Variants in NKAIN3 observed in about 807,000 individuals in gnomAD.
NKAIN3 encodes sodium/potassium transporting ATPase interacting 3, also known as sodium/potassium-transporting ATPase subunit beta-1-interacting protein 3.
In NKAIN3, 25 loss-of-function variants were observed where a neutral mutation model predicts 30.2. That is an observed-to-expected ratio of 0.83 (90% confidence interval 0.60 to 1.16). NKAIN3 has a LOEUF of 1.16. Among genes scored for constraint, NKAIN3 ranks in the 50% most tolerant of loss-of-function variants. The pLI, the probability that NKAIN3 is intolerant of heterozygous loss-of-function variation, is 0.00. For missense variants in NKAIN3, 225 were observed against 254.1 expected (o/e 0.89, Z 0.78); for synonymous variants, 91 against 89.6 (o/e 1.02, Z -0.09).
chr8:62,959,391 T>G (rs1268042220), intron 6 of NKAIN3, among the ~76,000 whole-genome samples: 1 of 151,458 alleles, frequency 6.6e-6, no homozygotes, highest in Non-Finnish European at 1.5e-5. Context: ...CATTTTGCAT[T>G]TATAGCATCA....
chr8:62,534,860 G>GTTTTTTTTTTTTTTTTTTTTTTT lies in NKAIN3; in HGVS notation c.55-44679_55-44678insTTTTTTTTTTTTTTTTTTTTTTT, dbSNP rs145601852. On this transcript the variant is annotated intron_variant, in intron 1 of 6. Coordinates refer to ENST00000623646, the MANE Select transcript of NKAIN3 (RefSeq NM_001304533.3). ...AAAATGTAAAAACATTGCATTTATT[G>GTTTTTTTTTTTTTTTTTTTTTTT]GTTTTTTTTTTTTTCGTATAGTTTC... Among the ~76,000 whole-genome samples the GTTTTTTTTTTTTTTTTTTTTTTT allele has an allele frequency of 1.4e-5, 2 of 145,620 alleles. 1 individual carries two copies. The highest frequency in any genetic ancestry group is 3.0e-5 in the Non-Finnish European group (2 of 66,506).
intron 3 of NKAIN3, among the ~76,000 whole-genome samples, chr8:62,612,376 G>T (rs1811322601): frequency 6.6e-6 from 1 of 151,698 alleles, no homozygotes; most frequent in South Asian, 2.1e-4. Context: ...TACCCTCTTT[G>T]TCACTCCCTA....
chr8:62,840,225 A>G (rs925401251), intron 4 of NKAIN3, among the ~76,000 whole-genome samples: 1 of 152,038 alleles, frequency 6.6e-6, no homozygotes, highest in Non-Finnish European at 1.5e-5. Flanking sequence ...CACATGAAAA[A>G]TAGACATCTC....
At chr8:62,438,660 C>G (rs1270738611) in intron 1 of NKAIN3, among the ~76,000 whole-genome samples, 1 of 152,132 alleles carries the variant, frequency 6.6e-6, no homozygotes, top group Non-Finnish European at 1.5e-5. Context: ...CTCTTGGGTT[C>G]AAGAGATTCT....
At chr8:62,354,912 A>G (rs1019709808) in intron 1 of NKAIN3, among the ~76,000 whole-genome samples, 5 of 152,144 alleles carry the variant, frequency 3.3e-5, no homozygotes, top group African/African-American at 9.7e-5. Flanking sequence ...ACCTTTTCCA[A>G]TGGGTAGAAG....
At chr8:62,665,766 C>T (rs547909592) in intron 3 of NKAIN3, among the ~76,000 whole-genome samples, 1 of 152,290 alleles carries the variant, frequency 6.6e-6, no homozygotes, top group East Asian at 1.9e-4. Context: ...AGGGTCAGGG[C>T]TCACTATGAT....
At chr8:62,328,939 T>C (rs904650646) in intron 1 of NKAIN3, among the ~76,000 whole-genome samples, 2 of 152,066 alleles carry the variant, frequency 1.3e-5, no homozygotes, top group African/African-American at 4.8e-5. Context: ...GAATTGATGG[T>C]ATGTTACTTC....
chr8:62,732,542 G>C, intron 3 of NKAIN3, among the ~76,000 whole-genome samples: 1 of 121,292 alleles, frequency 8.2e-6, no homozygotes, highest in East Asian at 2.0e-4. Flanking sequence ...TAGGGGCCCA[G>C]GGTTCTAGCT....
At chr8:62,356,696 A>G (rs1455459466) in intron 1 of NKAIN3, among the ~76,000 whole-genome samples, 2 of 152,184 alleles carry the variant, frequency 1.3e-5, no homozygotes, top group Admixed American at 6.5e-5. Flanking sequence ...AGAGTAATCG[A>G]CATAAAGGTG....
chr8:62,919,226 A>ATTTTTTTT (rs1415475110), intron 5 of NKAIN3, among the ~76,000 whole-genome samples: 47 of 88,414 alleles, frequency 5.3e-4, no homozygotes, highest in African/African-American at 9.9e-4. Context: ...TTACTTTCAA[A>ATTTTTTTT]ATTTTTTTTT....
intron 4 of NKAIN3, among the ~76,000 whole-genome samples, chr8:62,902,146 C>A (rs1400269749): frequency 6.6e-6 from 1 of 152,110 alleles, no homozygotes; most frequent in Admixed American, 6.6e-5. Context: ...AGATGAACAC[C>A]TACTGCTGGG....
chr8:62,513,419 G>A (rs538183825), intron 1 of NKAIN3, among the ~76,000 whole-genome samples: 60 of 151,948 alleles, frequency 3.9e-4, no homozygotes, highest in Admixed American at 9.2e-4. Flanking sequence ...ATAAATATAA[G>A]CACAATGAAT....
intron 4 of NKAIN3, among the ~76,000 whole-genome samples, chr8:62,787,087 C>A (rs188540139): frequency 6.6e-6 from 1 of 152,136 alleles, no homozygotes; most frequent in Non-Finnish European, 1.5e-5. Context: ...AAATACTTTT[C>A]TTGAGATGAT....
At chr8:62,361,688 G>A (rs190683998) in intron 1 of NKAIN3, among the ~76,000 whole-genome samples, 36 of 152,174 alleles carry the variant, frequency 2.4e-4, no homozygotes, top group Admixed American at 2.2e-3. Context: ...ATAAGTGTGT[G>A]GTTAATGATT....
chr8:62,707,562 T>G (rs2130484577), intron 3 of NKAIN3, among the ~76,000 whole-genome samples: 1 of 152,322 alleles, frequency 6.6e-6, no homozygotes, highest in South Asian at 2.1e-4. Context: ...GCCCACTTTT[T>G]GATGGGATTC....
intron 3 of NKAIN3, among the ~76,000 whole-genome samples, chr8:62,735,370 CTTTCTTTCTTTTTTTT>C (rs1322715808): frequency 1.5e-4 from 4 of 26,266 alleles, no homozygotes; most frequent in South Asian, 2.4e-3. Context: ...TTCTTTCTTT[CTTTCTTTCTTTTTTTT>C]TTTTTTTTGA....
chr8:62,805,858 T>A lies in NKAIN3; in HGVS notation c.471+58729T>A, dbSNP rs897191424. The stretch of plus-strand genomic sequence containing the variant: ...AGCAAAAGAAACTACCATCAGAGTA[T>A]ACAGGCAACCTACAAAATGGGAGAA... On this transcript the variant is annotated intron_variant, in intron 4 of 6. Coordinates refer to ENST00000623646, the MANE Select transcript of NKAIN3 (RefSeq NM_001304533.3). Among the ~76,000 whole-genome samples, 248 of 152,210 alleles carry A rather than the reference T, an allele frequency of 1.6e-3. 1 individual carries two copies. Among genetic ancestry groups the A allele is most frequent in the African/African-American group, 5.6e-3 (232 of 41,558 alleles).
Position 62,976,661 on chromosome 8 carries a change from T to C in NKAIN3, c.*11254T>C, listed in dbSNP as rs1756903594. On this transcript the variant is annotated 3_prime_UTR_variant, in exon 7 of 7. Transcript: ENST00000623646. ...AATTTGCCAGTCTGTGCCTTTTAAT[T>C]GGGGCATTTAGCCCATTTACATTTA... Among the ~76,000 whole-genome samples, 1 of 152,224 alleles carries C rather than the reference T, an allele frequency of 6.6e-6. No homozygotes were observed. Among genetic ancestry groups the C allele is most frequent in the Admixed American group, 6.5e-5 (1 of 15,290 alleles).
chr8:62,352,052 C>G (rs1213440467), intron 1 of NKAIN3, among the ~76,000 whole-genome samples: 1 of 152,096 alleles, frequency 6.6e-6, no homozygotes, highest in African/African-American at 2.4e-5. Flanking sequence ...GCAACACTAA[C>G]CAGGCAGGGA....
Sources: gnomAD v4.1 joint callset for allele counts (sites outside exome capture counted in the v4.1 genomes callset) on GRCh38, gnomAD v4.1.1 for gene constraint, MANE v1.5 for transcripts, NCBI Gene and HGNC (gene_info 2026-07-23, HGNC 2026-07-21) for gene names.